RBMS1: variants seen among roughly 807,000 people sequenced by gnomAD.
RBMS1 encodes the protein RNA-binding motif, single-stranded-interacting protein 1.
A neutral mutation model predicts 62.3 loss-of-function variants in RBMS1; 17 were observed. The observed-to-expected ratio is 0.27, with a 90% CI of 0.19 to 0.41. RBMS1 has a LOEUF of 0.41. RBMS1 is among the 10% of genes least tolerant of loss of function. The pLI is 1.00. For synonymous variants in RBMS1, 172 were observed against 170.0 expected, an observed-to-expected ratio of 1.01 and a Z score of -0.09; for missense variants, 334 against 504.5, an observed-to-expected ratio of 0.66 and a Z score of 3.24.
Position 160,392,461 on chromosome 2 carries a change from A to AC in RBMS1, c.76-25071_76-25070insG, listed in dbSNP as rs34866700. Among the ~76,000 whole-genome samples the AC allele has an allele frequency of 3.7e-5, 4 of 107,418 alleles. 1 individual carries two copies. In the South Asian group the frequency reaches 9.5e-4, roughly 26 times the overall value. 70.5% of individuals were successfully genotyped at this position (107,418 alleles called of 152,430 possible). A position where few individuals can be genotyped will look rare whatever the true frequency, so the allele number is the denominator to read the frequency against. ...AAATATTTACTATCTGGCCCTTCAC[A>AC]AAAAAAAAAAAACCCTGATCCCAAC... On this transcript the variant is annotated intron_variant, in intron 1 of 13. Coordinates refer to ENST00000348849, the MANE Select transcript of RBMS1 (RefSeq NM_016836.4).
intron 1 of RBMS1, among the ~76,000 whole-genome samples, chr2:160,414,794 C>T (rs1696155615): frequency 6.6e-6 from 1 of 151,518 alleles, no homozygotes; most frequent in Non-Finnish European, 1.5e-5. Context: ...CTGCAGTGAG[C>T]CGAGATTGCA....
intron 1 of RBMS1, among the ~76,000 whole-genome samples, chr2:160,398,070 C>G (rs974756563): frequency 9.2e-5 from 14 of 152,156 alleles, no homozygotes; most frequent in African/African-American, 3.4e-4. Flanking sequence ...CCCAGAGCTC[C>G]GGTTCTCTAA....
chr2:160,345,786 G>A (rs185710371), intron 2 of RBMS1, among the ~76,000 whole-genome samples: 28 of 152,256 alleles, frequency 1.8e-4, no homozygotes, highest in Non-Finnish European at 2.8e-4. Flanking sequence ...TTTTCTAACT[G>A]TTAAATATTT....
chr2:160,442,738 C>A (rs1242729974), intron 1 of RBMS1, among the ~76,000 whole-genome samples: 1 of 151,998 alleles, frequency 6.6e-6, no homozygotes, highest in African/African-American at 2.4e-5. Flanking sequence ...GTAAAATATC[C>A]ACGACTTGTT....
chr2:160,489,401 A>T (rs1289851276), intron 1 of RBMS1, among the ~76,000 whole-genome samples: 1 of 152,178 alleles, frequency 6.6e-6, no homozygotes, highest in Non-Finnish European at 1.5e-5. Context: ...CCATGTCTGA[A>T]TATTATGCCT....
At chr2:160,330,386 C>A (rs1447840631) in intron 2 of RBMS1, among the ~76,000 whole-genome samples, 1 of 152,136 alleles carries the variant, frequency 6.6e-6, no homozygotes, top group African/African-American at 2.4e-5. Context: ...TAAATCAGGT[C>A]ATTGGTGGCA....
At chr2:160,362,491 G>A (rs370265537) in intron 2 of RBMS1, among the ~76,000 whole-genome samples, 15 of 152,178 alleles carry the variant, frequency 9.9e-5, no homozygotes, top group East Asian at 5.8e-4. Flanking sequence ...AGAGAAAAAT[G>A]GAGGAGAAGG....
Position 160,273,535 on chromosome 2 carries a change from C to T in RBMS1, c.*1237G>A, listed in dbSNP as rs1328858609. On this transcript the variant is annotated 3_prime_UTR_variant, in exon 14 of 14. Transcript: ENST00000348849. The stretch of plus-strand genomic sequence containing the variant: ...GAGAGAGAGAGAGCTAGTAGCCAAT[C>T]GTTTTGCTTCTATTCGTTATCTCAG... The T allele has an allele frequency of 6.6e-6, 1 of 152,066 alleles. No individual in the cohort carries two copies. Among genetic ancestry groups the T allele is most frequent in the Non-Finnish European group, 1.5e-5 (1 of 68,000 alleles). The allele number at this position is 152,066 out of a possible 1,614,324, so 9.4% of individuals were successfully genotyped here.
intron 11 of RBMS1, chr2:160,277,914 G>A (rs1687918916): frequency 6.3e-6 from 1 of 157,874 alleles, no homozygotes; most frequent in Non-Finnish European, 1.4e-5. Flanking sequence ...CATTGGATAT[G>A]TGTGGCCCTG....
rs775288349 is a variant in RBMS1, at chr2:160,284,693, A to G, written c.900+82T>C. On this transcript the variant is annotated intron_variant, in intron 9 of 13. Coordinates refer to ENST00000348849, the MANE Select transcript of RBMS1 (RefSeq NM_016836.4). ...TTGACTCAAATTTCATAAACGCTCA[A>G]AATTTTAAGACACATAAAAATGTAG... 8 of 1,156,110 alleles carry G rather than the reference A, an allele frequency of 6.9e-6. No individual in the cohort carries two copies. The East Asian group carries it at 1.6e-4, about 24-fold the overall frequency. The allele number at this position is 1,156,110 out of a possible 1,614,324, so 71.6% of individuals were successfully genotyped here. A position where few individuals can be genotyped will look rare whatever the true frequency, so the allele number is the denominator to read the frequency against.
intron 1 of RBMS1, among the ~76,000 whole-genome samples, chr2:160,454,028 G>A (rs764636059): frequency 3.9e-5 from 6 of 152,172 alleles, no homozygotes; most frequent in Non-Finnish European, 5.9e-5. Context: ...CCAAACACAA[G>A]CCCTTGTAAT....
chr2:160,381,242 G>A (rs934235148), intron 1 of RBMS1, among the ~76,000 whole-genome samples: 1 of 152,098 alleles, frequency 6.6e-6, no homozygotes, highest in African/African-American at 2.4e-5. Context: ...TCCCTTAATA[G>A]GGGGATAGGT....
chr2:160,375,772 G>A, intron 1 of RBMS1, among the ~76,000 whole-genome samples: 1 of 152,068 alleles, frequency 6.6e-6, no homozygotes, highest in East Asian at 1.9e-4. Flanking sequence ...AATTCTGAAT[G>A]CAGGTGTGCA....
At chr2:160,334,166 A>G (rs1691434580) in intron 2 of RBMS1, among the ~76,000 whole-genome samples, 1 of 152,188 alleles carries the variant, frequency 6.6e-6, no homozygotes, top group South Asian at 2.1e-4. Flanking sequence ...AGCTGACACA[A>G]CATTATGTAA....
intron 6 of RBMS1, among the ~76,000 whole-genome samples, chr2:160,298,440 A>G (rs1007793623): frequency 9.2e-5 from 14 of 152,210 alleles, no homozygotes; most frequent in African/African-American, 3.4e-4. Context: ...AGTAGTAGTT[A>G]AAACCTTGAG....
intron 1 of RBMS1, among the ~76,000 whole-genome samples, chr2:160,426,218 G>GAAAGAAAGAAAGA (rs71408120): frequency 2.1e-5 from 1 of 48,676 alleles, no homozygotes; most frequent in Non-Finnish European, 4.1e-5. Context: ...GAGAGAGACA[G>GAAAGAAAGAAAGA]AAGAAAGAAA....
chr2:160,328,981 T>C (rs2105981130), intron 2 of RBMS1, among the ~76,000 whole-genome samples: 1 of 152,266 alleles, frequency 6.6e-6, no homozygotes, highest in African/African-American at 2.4e-5. Context: ...TCTGAAGCTA[T>C]TAAAACAGTG....
At chr2:160,349,201 G>A (rs1200453224) in intron 2 of RBMS1, among the ~76,000 whole-genome samples, 1 of 152,090 alleles carries the variant, frequency 6.6e-6, no homozygotes, top group East Asian at 1.9e-4. Flanking sequence ...CCAGGAGAGA[G>A]GAAATGAGGT....
chr2:160,374,541 T>C (rs569585998), intron 1 of RBMS1, among the ~76,000 whole-genome samples: 1 of 152,172 alleles, frequency 6.6e-6, no homozygotes, highest in South Asian at 2.1e-4. Context: ...GAAAAGAATT[T>C]AAACACAGTA....
Sources: allele counts gnomAD v4.1 joint callset (sites outside exome capture counted in the v4.1 genomes callset), GRCh38; gene constraint gnomAD v4.1.1; transcripts MANE v1.5; gene names NCBI Gene and HGNC (gene_info 2026-07-23, HGNC 2026-07-21).